Variants in CD55 observed in about 807,000 individuals in gnomAD.
The protein encoded by CD55 is CD55 molecule (Cromer blood group), also known as complement decay-accelerating factor.
In CD55, 41 loss-of-function variants were observed where a neutral mutation model predicts 45.8. The ratio of observed to expected loss-of-function variants is 0.90; its 90% CI spans 0.70 to 1.16. CD55 has a LOEUF of 1.16. CD55 is among the 50% of genes most tolerant of loss of function. The probability of loss-of-function intolerance (pLI) is 0.00; values close to 1 mark genes in which losing one functional copy is unlikely to be tolerated. For synonymous variants in CD55, 181 were observed against 181.1 expected (o/e 1.00, Z 0.01); for missense variants, 416 against 469.8 (o/e 0.89, Z 1.06).
In CD55 at chr1:207,336,701, C is replaced by CTA. The variant is rs1553269693; in HGVS notation, c.863_864dup (p.Thr289Ter). The CTA allele has an allele frequency of 5.0e-6, 8 of 1,613,146 alleles. No individual in the cohort carries two copies. In the African/African-American group the frequency reaches 5.3e-5, roughly 11 times the overall value. ...AACCTTTTCTTTCACAGGAAAATCTCTAACTTCCAAGGTCCCACCAACAGT... is the reference window on the plus strand; with the variant it reads ...AACCTTTTCTTTCACAGGAAAATCTCTATAACTTCCAAGGTCCCACCAACAGT... On this transcript the variant is annotated frameshift_variant, in exon 7 of 10. Coordinates refer to ENST00000367064, the MANE Select transcript of CD55 (RefSeq NM_000574.5). LOFTEE classifies it high-confidence loss of function.
At chr1:207,350,370 G>GC (rs987220508) in intron 9 of CD55, among the ~76,000 whole-genome samples, 8 of 152,062 alleles carry the variant, frequency 5.3e-5, no homozygotes, top group Non-Finnish European at 8.8e-5. Context: ...TGTGATGCTG[G>GC]CCTTATAGAA....
chr1:207,348,911 C>G (rs1263788930), intron 9 of CD55, among the ~76,000 whole-genome samples: 1 of 152,076 alleles, frequency 6.6e-6, no homozygotes, highest in Non-Finnish European at 1.5e-5. Context: ...CTAACCTCTT[C>G]CATTGGTCTA....
intron 5 of CD55, 85 bp downstream of exon 5, chr1:207,326,922 ACAGTG>A (rs1654713084): frequency 2.1e-6 from 2 of 967,788 alleles, no homozygotes; most frequent in African/African-American, 3.3e-5. Context: ...GAATATTAGC[ACAGTG>A]TGTATTTGTA....
chr1:207,325,108 G>A (rs1217819106), intron 3 of CD55, among the ~76,000 whole-genome samples: 1 of 152,258 alleles, frequency 6.6e-6, no homozygotes, highest in South Asian at 2.1e-4. Context: ...ACAGAGGCAG[G>A]TGGACCACTT....
chr1:207,357,976 A>G (rs1314811021), intron 9 of CD55, among the ~76,000 whole-genome samples: 1 of 152,158 alleles, frequency 6.6e-6, no homozygotes, highest in Non-Finnish European at 1.5e-5. Flanking sequence ...CTCTCTCAAA[A>G]TATCTTATTG....
rs576306458 is a variant in CD55 at position 207,335,368 on chromosome 1, G to A, written c.854-1325G>A. Among the ~76,000 whole-genome samples the A allele has an allele frequency of 9.2e-4, 140 of 152,202 alleles. 2 individuals are homozygous for A. The highest frequency in any genetic ancestry group is 3.4e-3 in the Middle Eastern group (1 of 294). On this transcript the variant is annotated intron_variant, in intron 6 of 9. Transcript: ENST00000367064. ...TTTACCAAAATTGACCCTTTGCTGG[G>A]CTCTAAGCTACAATACATTGCAAAA...
chr1:207,343,498 T>G (rs1655513447), intron 9 of CD55, among the ~76,000 whole-genome samples: 1 of 152,192 alleles, frequency 6.6e-6, no homozygotes, highest in Non-Finnish European at 1.5e-5. Flanking sequence ...GTTCCTGTTG[T>G]TATTAATTTC....
In CD55 at chr1:207,326,832, G is replaced by T. The variant is rs1654707772; in HGVS notation, c.659G>T (p.Cys220Phe). The T allele has an allele frequency of 6.2e-7, 1 of 1,611,242 alleles. No homozygotes were observed. The highest frequency in any genetic ancestry group is 8.5e-7 in the Non-Finnish European group (1 of 1,177,786). Residue 220 changes from cysteine to phenylalanine, a missense_variant, in exon 5 of 10, where the codon TGC becomes TTC. Physicochemically the swap from Cys to Phe is radical, Grantham distance 205. Around this residue, in one of 3 missense-constraint regions of CD55, gnomAD observed 182 missense variants for 201.4 expected, o/e 0.90. Coordinates refer to ENST00000367064, the MANE Select transcript of CD55 (RefSeq NM_000574.5). ...CAGTGGAGTGACCCGTTGCCAGAGT[G>T]CAGAGGTAAGAGTTAAAAAATCTAA... Reference protein sequence around the residue: ...SVQWSDPLPECREIYCPAPPQ... With the variant: ...SVQWSDPLPEFREIYCPAPPQ...
At chr1:207,337,243 A>G in intron 7 of CD55, 86 bp from the exon 8 acceptor site, 1 of 868,698 alleles carries the variant, frequency 1.2e-6, no homozygotes, top group East Asian at 2.4e-5. Context: ...AGAGTCCTTC[A>G]GCAGCACGTA....
rs28371588 is a variant in CD55 at position 207,322,436 on chromosome 1, G to T, written c.155G>T (p.Arg52Leu). 1.4e-3 allele frequency: 2,185 copies of T among 1,614,142 alleles called. 29 individuals are homozygous for T. In the African/African-American group the frequency reaches 0.026, roughly 19 times the overall value. ...VPNAQPALEG[R>L]TSFPEDTVIT... ...AATGCCCAGCCAGCTTTGGAAGGCC[G>T]TACAAGTTTTCCCGAGGATACTGTA... Residue 52 changes from arginine (R) to leucine (L), a missense_variant, in exon 2 of 10, where the codon CGT becomes CTT. Coordinates refer to ENST00000367064, the MANE Select transcript of CD55 (RefSeq NM_000574.5).
chr1:207,333,883 T>G (rs1300879878), intron 6 of CD55, among the ~76,000 whole-genome samples: 1 of 151,998 alleles, frequency 6.6e-6, no homozygotes, highest in Non-Finnish European at 1.5e-5. Context: ...TTGAGACATT[T>G]GAGACATGTT....
chr1:207,325,500 C>T (rs143451682), intron 3 of CD55, 122 bp from the exon 4 acceptor site: 82 of 556,122 alleles, frequency 1.5e-4, no homozygotes, highest in African/African-American at 1.4e-3. Flanking sequence ...GATATATGTG[C>T]ACATTGTGAA....
chr1:207,350,528 T>C (rs1655825223), intron 9 of CD55, among the ~76,000 whole-genome samples: 1 of 152,242 alleles, frequency 6.6e-6, no homozygotes, highest in Non-Finnish European at 1.5e-5. Flanking sequence ...TGATTCAATT[T>C]AAGAACTTGT....
chr1:207,337,197 C>T, intron 7 of CD55, 132 bp from the exon 8 acceptor site: 1 of 672,356 alleles, frequency 1.5e-6, no homozygotes, highest in Non-Finnish European at 2.7e-6. Flanking sequence ...ACACTAACAG[C>T]CCAAAAATTC....
chr1:207,336,939 C>A, intron 7 of CD55, 121 bp downstream of exon 7: 1 of 1,111,388 alleles, frequency 9.0e-7, no homozygotes, highest in Non-Finnish European at 1.3e-6. Context: ...GTCACACCAA[C>A]ACCTTAGAAA....
At chr1:207,350,713 TC>T (rs1400056664) in intron 9 of CD55, among the ~76,000 whole-genome samples, 1 of 152,300 alleles carries the variant, frequency 6.6e-6, no homozygotes, top group African/African-American at 2.4e-5. Flanking sequence ...CCCTTTGTCA[TC>T]TGAGATTGTG....
chr1:207,325,022 T>TAAAGAG (rs763368958), intron 3 of CD55, among the ~76,000 whole-genome samples: 41 of 152,218 alleles, frequency 2.7e-4, no homozygotes, highest in Middle Eastern at 3.4e-3. Context: ...AAACTTATTA[T>TAAAGAG]AAAGAGAAAT....
At chr1:207,330,024 A>G (rs950550083) in intron 5 of CD55, among the ~76,000 whole-genome samples, 9 of 102,470 alleles carry the variant, frequency 8.8e-5, no homozygotes, top group South Asian at 2.9e-4. Context: ...TATTGAAATC[A>G]TTTCTGAATC....
chr1:207,359,697 T>C lies in CD55; in HGVS notation c.*87T>C. The C allele has an allele frequency of 1.4e-6, 2 of 1,479,054 alleles. No individual in the cohort carries two copies. The highest frequency in any genetic ancestry group is 1.8e-6 in the Non-Finnish European group (2 of 1,112,712). The allele number at this position is 1,479,054 out of a possible 1,614,324, so 91.6% of individuals were successfully genotyped here. A position where few individuals can be genotyped will look rare whatever the true frequency, so the allele number is the denominator to read the frequency against. ...TTATCTGCATATTGGATAAAATAAA[T>C]GCAATTGTGCTCTTCATTTAGGATG... is the stretch of plus-strand genomic sequence containing the variant. On this transcript the variant is annotated 3_prime_UTR_variant, in exon 10 of 10. Transcript: ENST00000367064.
Sources: allele counts gnomAD v4.1 joint callset (sites outside exome capture counted in the v4.1 genomes callset), GRCh38; gene constraint gnomAD v4.1.1; regional missense constraint gnomAD v4.1.1; transcripts MANE v1.5; gene names NCBI Gene and HGNC (gene_info 2026-07-23, HGNC 2026-07-21).